TBL1X: variants seen among roughly 807,000 people sequenced by gnomAD.
TBL1X encodes the protein transducin beta like 1 X-linked.
TBL1X carries 10 observed loss-of-function variants against 50.7 expected under a neutral mutation model. The observed-to-expected ratio is 0.20, with a 90% CI of 0.12 to 0.33. The LOEUF is 0.33. Among genes scored for constraint, TBL1X ranks in the 10% least tolerant of loss-of-function variants. The pLI is 1.00. For missense variants in TBL1X, 340 were observed against 504.4 expected, an observed-to-expected ratio of 0.67 and a Z score of 3.12; for synonymous variants, 190 against 214.7, an observed-to-expected ratio of 0.88 and a Z score of 1.01.
intron 2 of TBL1X, among the ~76,000 whole-genome samples, chrX:9,575,513 C>T (rs1332707248): frequency 8.9e-6 from 1 of 111,999 alleles, no homozygotes; most frequent in African/African-American, 3.3e-5. Context: ...AGGGTTCACT[C>T]ATGTTGTCCC....
At chrX:9,651,506 A>G (rs2082835605) in intron 3 of TBL1X, among the ~76,000 whole-genome samples, 1 of 112,602 alleles carries the variant, frequency 8.9e-6, no homozygotes, top group South Asian at 3.6e-4. Context: ...TGCTATTGGC[A>G]CTGTGTTGCC....
At chrX:9,691,336 T>C (rs1261350745) in intron 7 of TBL1X, among the ~76,000 whole-genome samples, 1 of 106,402 alleles carries the variant, frequency 9.4e-6, no homozygotes, top group East Asian at 3.0e-4. Flanking sequence ...CTTGAGAGGC[T>C]GAGGCATGAG....
At chrX:9,521,724 C>A (rs2082107769) in intron 2 of TBL1X, among the ~76,000 whole-genome samples, 1 of 111,588 alleles carries the variant, frequency 9.0e-6, no homozygotes, top group African/African-American at 3.3e-5. Context: ...AATGCAGAAC[C>A]TGCCCATAAG....
chrX:9,478,987 T>C (rs1336537311), intron 1 of TBL1X, among the ~76,000 whole-genome samples: 1 of 112,613 alleles, frequency 8.9e-6, no homozygotes, highest in Non-Finnish European at 1.9e-5. Context: ...GATTTTTCTT[T>C]TGAGAGCTCT....
chrX:9,675,733 A>C (rs1229306903), intron 5 of TBL1X, among the ~76,000 whole-genome samples: 4 of 110,459 alleles, frequency 3.6e-5, no homozygotes, highest in African/African-American at 9.9e-5. Context: ...TCTACTAAAA[A>C]TACAAAAATT....
intron 1 of TBL1X, among the ~76,000 whole-genome samples, chrX:9,497,616 G>A (rs2081977532): frequency 9.1e-6 from 1 of 109,568 alleles, no homozygotes; most frequent in Non-Finnish European, 1.9e-5. Flanking sequence ...ATAGTTGGTG[G>A]GCATTTCAAA....
At chrX:9,475,222 T>TG (rs996680794) in intron 1 of TBL1X, among the ~76,000 whole-genome samples, 8 of 111,799 alleles carry the variant, frequency 7.2e-5, no homozygotes, top group African/African-American at 2.6e-4. Flanking sequence ...TTAAGTGTTT[T>TG]GTTTTTTTGC....
At chrX:9,557,294 A>G (rs1284312102) in intron 2 of TBL1X, among the ~76,000 whole-genome samples, 1 of 112,480 alleles carries the variant, frequency 8.9e-6, no homozygotes, top group African/African-American at 3.2e-5. Flanking sequence ...CAGCGACACA[A>G]TCCATTACAT....
chrX:9,566,717 A>T (rs1446079430), intron 2 of TBL1X, among the ~76,000 whole-genome samples: 2 of 106,290 alleles, frequency 1.9e-5, no homozygotes, highest in Non-Finnish European at 3.9e-5. Context: ...CACCCTTTGG[A>T]TGCATTCCAG....
At chrX:9,550,934 G>A (rs925276990) in intron 2 of TBL1X, among the ~76,000 whole-genome samples, 3 of 110,382 alleles carry the variant, frequency 2.7e-5, no homozygotes, top group Admixed American at 1.9e-4. Flanking sequence ...CCAGGATGCT[G>A]CCAAACATCC....
At chrX:9,468,142 G>C (rs1215122726) in intron 1 of TBL1X, among the ~76,000 whole-genome samples, 1 of 112,327 alleles carries the variant, frequency 8.9e-6, no homozygotes, top group Non-Finnish European at 1.9e-5. Flanking sequence ...GAGGAAGTCG[G>C]GTACTGCTTC....
At chrX:9,508,708 C>T (rs747846702) in intron 2 of TBL1X, among the ~76,000 whole-genome samples, 1 of 111,704 alleles carries the variant, frequency 9.0e-6, no homozygotes, top group South Asian at 3.7e-4. Context: ...CAGTGATAGA[C>T]TGGATAAAGA....
intron 2 of TBL1X, among the ~76,000 whole-genome samples, chrX:9,592,509 A>G (rs1458692357): frequency 8.9e-6 from 1 of 111,990 alleles, no homozygotes; most frequent in East Asian, 2.8e-4. Flanking sequence ...TTGTAAGTGT[A>G]CAATTCAGTG....
intron 2 of TBL1X, among the ~76,000 whole-genome samples, chrX:9,519,476 A>G (rs2082096734): frequency 9.0e-6 from 1 of 111,721 alleles, no homozygotes; most frequent in African/African-American, 3.3e-5. Context: ...AAGCCTTTCT[A>G]GGCTAGTTGG....
chrX:9,712,864 T>G (rs1411026235), intron 16 of TBL1X, among the ~76,000 whole-genome samples: 1 of 111,250 alleles, frequency 9.0e-6, no homozygotes, highest in Non-Finnish European at 1.9e-5. Flanking sequence ...AGCACGTGAT[T>G]CTAGTCTAAG....
In TBL1X at chrX:9,686,412, G is replaced by A. The variant is rs146112553; in HGVS notation, c.358-1605G>A. Among the ~76,000 whole-genome samples, 374 of 112,607 alleles carry A rather than the reference G, an allele frequency of 3.3e-3. 1 individual carries two copies. The highest frequency in any genetic ancestry group is 0.012 in the African/African-American group (363 of 30,999). On this transcript the variant is annotated intron_variant, in intron 6 of 17. Transcript: ENST00000645353. ...CAATGGTTTCTAATCATTAAAAAGT[G>A]AGACGCCAGGGGCGGTAGCACACAT...
In TBL1X at chrX:9,689,654, C is replaced by T. The variant is rs149566346; in HGVS notation, c.616+1379C>T. On this transcript the variant is annotated intron_variant, in intron 7 of 17. Transcript: ENST00000645353. ...TGACCCACAGCCCAGTCTATGGAGACAGGAGCATTGGAAGGCCGCATTTTG... is the reference window on the plus strand; with the variant it reads ...TGACCCACAGCCCAGTCTATGGAGATAGGAGCATTGGAAGGCCGCATTTTG... Among the ~76,000 whole-genome samples the T allele has an allele frequency of 2.5e-4, 28 of 111,962 alleles. No individual in the cohort carries two copies. In the East Asian group the frequency reaches 7.6e-3, roughly 31 times the overall value.
chrX:9,594,238 G>A (rs1313881063), intron 2 of TBL1X, among the ~76,000 whole-genome samples: 2 of 112,761 alleles, frequency 1.8e-5, no homozygotes, highest in Non-Finnish European at 3.8e-5. Context: ...ATTAACTTGT[G>A]TGAAATTCCC....
At chrX:9,685,323 C>T (rs992904138) in intron 6 of TBL1X, among the ~76,000 whole-genome samples, 2 of 112,019 alleles carry the variant, frequency 1.8e-5, no homozygotes, top group African/African-American at 6.5e-5. Flanking sequence ...CTGAGTCTCA[C>T]ACTGTTGCCC....
Sources: gnomAD v4.1 joint callset for allele counts (sites outside exome capture counted in the v4.1 genomes callset) on GRCh38, gnomAD v4.1.1 for gene constraint, MANE v1.5 for transcripts, NCBI Gene and HGNC (gene_info 2026-07-23, HGNC 2026-07-21) for gene names.